Variants in DGKI observed in about 807,000 individuals in gnomAD.
The protein encoded by DGKI is diacylglycerol kinase iota.
Under a neutral mutation model 147.5 loss-of-function variants are expected in DGKI, and 55 were observed. The observed-to-expected ratio is 0.37, with a 90% CI of 0.30 to 0.47. DGKI has a LOEUF of 0.47. Ranked by LOEUF, DGKI falls within the 20% of genes least tolerant of loss-of-function variation. DGKI has a pLI of 1.00. For synonymous variants in DGKI, 469 were observed against 477.1 expected (o/e 0.98, Z 0.22); for missense variants, 1,007 against 1,323.8 (o/e 0.76, Z 3.71).
intron 13 of DGKI, among the ~76,000 whole-genome samples, chr7:137,586,683 TA>T (rs374116986): frequency 0.045 from 6,506 of 143,660 alleles, 290 homozygotes; most frequent in African/African-American, 0.12. Flanking sequence ...AATAAAATGC[TA>T]AAAAAAAAAA....
chr7:137,795,267 C>A (rs1326157132), intron 1 of DGKI, among the ~76,000 whole-genome samples: 1 of 152,154 alleles, frequency 6.6e-6, no homozygotes, highest in Admixed American at 6.5e-5. Context: ...CCTTGAAAAC[C>A]AGCAGCTTTA....
chr7:137,421,577 G>A (rs987884690), intron 28 of DGKI, among the ~76,000 whole-genome samples: 8 of 152,128 alleles, frequency 5.3e-5, no homozygotes, highest in African/African-American at 9.7e-5. Flanking sequence ...AAAGCAGTTC[G>A]TTCCACTTCT....
chr7:137,546,196 G>A (rs1245078905), intron 20 of DGKI, among the ~76,000 whole-genome samples: 1 of 152,172 alleles, frequency 6.6e-6, no homozygotes, highest in South Asian at 2.1e-4. Context: ...GCTGGTTCTA[G>A]GCAAGTCACA....
At position 137,385,599 on chromosome 7, in the gene DGKI, T is replaced by C. The variant is rs1811157780; in HGVS notation, c.*5621A>G. 2 of 152,178 alleles carry C rather than the reference T, an allele frequency of 1.3e-5. No homozygotes were observed. The highest frequency in any genetic ancestry group is 2.9e-5 in the Non-Finnish European group (2 of 68,010). 9.4% of individuals were successfully genotyped at this position (152,178 alleles called of 1,614,324 possible). A position where few individuals can be genotyped will look rare whatever the true frequency, so the allele number is the denominator to read the frequency against. The stretch of plus-strand genomic sequence containing the variant: ...AGTCAAAACCCACTGAAAACTCTGC[T>C]TATTTTTCCTAGTTCTATCCTGAGA... On this transcript the variant is annotated 3_prime_UTR_variant, in exon 33 of 33. Transcript: ENST00000614521.
intron 1 of DGKI, among the ~76,000 whole-genome samples, chr7:137,815,027 C>T (rs1469110105): frequency 6.6e-6 from 1 of 151,302 alleles, no homozygotes; most frequent in African/African-American, 2.4e-5. Flanking sequence ...AATAATTACC[C>T]AAAAGATCAG....
intron 21 of DGKI, among the ~76,000 whole-genome samples, chr7:137,489,276 C>T (rs1276960106): frequency 1.3e-5 from 2 of 151,964 alleles, no homozygotes; most frequent in Non-Finnish European, 2.9e-5. Context: ...TGTTTGGATG[C>T]AAAAGAGAAA....
At chr7:137,710,551 C>A (rs1794180410) in intron 1 of DGKI, among the ~76,000 whole-genome samples, 1 of 152,000 alleles carries the variant, frequency 6.6e-6, no homozygotes. Context: ...AATGTTCCCA[C>A]AATAATTGCT....
chr7:137,625,854 C>T lies in DGKI; in HGVS notation c.805-2300G>A, dbSNP rs1820919643. On this transcript the variant is annotated intron_variant, in intron 6 of 32. Coordinates refer to ENST00000614521, the MANE Select transcript of DGKI (RefSeq NM_001321708.2). The stretch of plus-strand genomic sequence containing the variant: ...CAATGCAGAGACCTGCATACCTAAC[C>T]CTTCGGCCCACTAGACTCTGTGTCC... Among the ~76,000 whole-genome samples, 3 of 152,238 alleles carry T rather than the reference C, an allele frequency of 2.0e-5. No individual in the cohort carries two copies. The South Asian group carries it at 6.2e-4, about 32-fold the overall frequency.
chr7:137,727,031 G>A lies in DGKI; in HGVS notation c.402-37029C>T, dbSNP rs74702175. On this transcript the variant is annotated intron_variant, in intron 1 of 32. Coordinates refer to ENST00000614521, the MANE Select transcript of DGKI (RefSeq NM_001321708.2). ...GTGTATATTGTATGTTAAGGATGCC[G>A]TTGTTTTCAAGATCTGCAAAAGAAA... is the stretch of plus-strand genomic sequence containing the variant. Among the ~76,000 whole-genome samples the A allele has an allele frequency of 7.8e-3, 1,186 of 151,998 alleles. 10 individuals are homozygous for A. The highest frequency in any genetic ancestry group is 0.027 in the African/African-American group (1,126 of 41,440).
chr7:137,502,469 T>C (rs1816210386), intron 21 of DGKI, among the ~76,000 whole-genome samples: 1 of 145,296 alleles, frequency 6.9e-6, no homozygotes, highest in African/African-American at 2.6e-5. Flanking sequence ...TTACATGATA[T>C]GAAAAAGGAG....
At position 137,408,013 on chromosome 7, in the gene DGKI, CAAA is replaced by C; in HGVS notation, c.2800-21_2800-19del. 6.2e-7 allele frequency: 1 copy of C among 1,612,646 alleles called. No homozygotes were observed. Among genetic ancestry groups the C allele is most frequent in the Non-Finnish European group, 8.5e-7 (1 of 1,179,488 alleles). ...TCTATTAGCTGCAAAGAGAGACATA[CAAA>C]AAGAAGCTCAGGCAGAATTCGGAAC... On this transcript the variant is annotated intron_variant, in intron 29 of 32. Transcript: ENST00000614521.
At chr7:137,699,381 A>G (rs747039367) in intron 1 of DGKI, among the ~76,000 whole-genome samples, 18 of 152,240 alleles carry the variant, frequency 1.2e-4, no homozygotes, top group Non-Finnish European at 1.0e-4. Context: ...CTAATGCTCA[A>G]TTGGAAGTTG....
chr7:137,535,740 T>C lies in DGKI; in HGVS notation c.2148-13774A>G, dbSNP rs534676324. On this transcript the variant is annotated intron_variant, in intron 20 of 32. Transcript: ENST00000614521. ...TAAATTTGAAAGCAATAAGATAGAA[T>C]GTTAAATGTGGAAGGGGCCCTAAGT... Among the ~76,000 whole-genome samples, 14 of 152,240 alleles carry C rather than the reference T, an allele frequency of 9.2e-5. No homozygotes were observed. The South Asian group carries it at 2.9e-3, about 32-fold the overall frequency.
intron 19 of DGKI, among the ~76,000 whole-genome samples, chr7:137,567,365 A>G (rs577809805): frequency 7.9e-5 from 12 of 152,338 alleles, no homozygotes; most frequent in Admixed American, 3.3e-4. Context: ...TTAAAAAAGG[A>G]GAAAGAAAGC....
intron 1 of DGKI, among the ~76,000 whole-genome samples, chr7:137,702,254 A>G (rs1824009060): frequency 6.6e-6 from 1 of 152,142 alleles, no homozygotes; most frequent in South Asian, 2.1e-4. Context: ...TTTTTTCAAG[A>G]TAGGATGCAG....
chr7:137,476,990 G>A (rs1415562436), intron 23 of DGKI, among the ~76,000 whole-genome samples: 1 of 152,160 alleles, frequency 6.6e-6, no homozygotes, highest in Non-Finnish European at 1.5e-5. Flanking sequence ...TCAAACAAAA[G>A]CAGGAAGAAA....
intron 2 of DGKI, among the ~76,000 whole-genome samples, chr7:137,682,216 T>C (rs1210642816): frequency 6.6e-6 from 1 of 152,136 alleles, no homozygotes; most frequent in Non-Finnish European, 1.5e-5. Context: ...GAATCCTGCA[T>C]AAAGTTGTCT....
chr7:137,472,992 G>A (rs73445378), intron 23 of DGKI, among the ~76,000 whole-genome samples: 3,473 of 152,130 alleles, frequency 0.023, 131 homozygotes, highest in African/African-American at 0.08. Flanking sequence ...CTATCTCTAG[G>A]CTATTCTAAT....
intron 30 of DGKI, 28 bp downstream of exon 30, chr7:137,407,847 C>A: frequency 6.2e-7 from 1 of 1,611,544 alleles, no homozygotes; most frequent in Non-Finnish European, 8.5e-7. Context: ...GGTAAGTGAT[C>A]CTTGGTAAGT....
Sources: allele counts gnomAD v4.1 joint callset (sites outside exome capture counted in the v4.1 genomes callset), GRCh38; gene constraint gnomAD v4.1.1; transcripts MANE v1.5; gene names NCBI Gene and HGNC (gene_info 2026-07-23, HGNC 2026-07-21).